The following NTM variants were observed in gnomAD, a reference collection of about 807,000 sequenced individuals.
NTM encodes the protein IgLON family member 2.
In NTM, 13 loss-of-function variants were observed where a neutral mutation model predicts 42.1. The ratio of observed to expected loss-of-function variants is 0.31; its 90% CI spans 0.20 to 0.49. NTM has a LOEUF of 0.49. Among genes scored for constraint, NTM ranks in the 20% least tolerant of loss-of-function variants. The pLI, the probability that NTM is intolerant of heterozygous loss-of-function variation, is 0.99. For missense variants in NTM, 373 were observed against 452.8 expected, an observed-to-expected ratio of 0.82 and a Z score of 1.60; for synonymous variants, 187 against 179.2, an observed-to-expected ratio of 1.04 and a Z score of -0.35.
chr11:131,717,867 T>C (rs2077888654), intron 1 of NTM, among the ~76,000 whole-genome samples: 2 of 152,216 alleles, frequency 1.3e-5, no homozygotes, highest in Admixed American at 1.3e-4. Flanking sequence ...ACATGCTCTT[T>C]ATCAGTTTGA....
At chr11:132,115,542 G>A (rs2063764077) in intron 2 of NTM, among the ~76,000 whole-genome samples, 1 of 152,164 alleles carries the variant, frequency 6.6e-6, no homozygotes. Context: ...TTCCTGTCAG[G>A]AACACACAAA....
intron 2 of NTM, among the ~76,000 whole-genome samples, chr11:132,077,324 T>C (rs972172427): frequency 1.3e-5 from 2 of 152,358 alleles, no homozygotes; most frequent in African/African-American, 4.8e-5. Flanking sequence ...TTTAAAATGA[T>C]GACTGAAATG....
intron 2 of NTM, among the ~76,000 whole-genome samples, chr11:131,924,385 C>T (rs967951908): frequency 6.6e-6 from 1 of 152,122 alleles, no homozygotes; most frequent in East Asian, 1.9e-4. Flanking sequence ...TGCTCTGTTT[C>T]GTTCTTGAGT....
intron 4 of NTM, among the ~76,000 whole-genome samples, chr11:132,251,259 C>A (rs1448803042): frequency 6.6e-6 from 1 of 152,206 alleles, no homozygotes; most frequent in Non-Finnish European, 1.5e-5. Context: ...CCTGTCCTTT[C>A]AGATTGTCAA....
At chr11:131,668,874 C>G (rs1565399555) in intron 1 of NTM, among the ~76,000 whole-genome samples, 1 of 152,146 alleles carries the variant, frequency 6.6e-6, no homozygotes, top group African/African-American at 2.4e-5. Context: ...GAAATCTATC[C>G]CAGTTATTAT....
intron 1 of NTM, among the ~76,000 whole-genome samples, chr11:131,598,666 TAC>T (rs1215912485): frequency 6.7e-6 from 1 of 149,384 alleles, no homozygotes; most frequent in Admixed American, 6.8e-5. Flanking sequence ...AGAGAACTAC[TAC>T]TCTCTTCTCA....
intron 1 of NTM, among the ~76,000 whole-genome samples, chr11:131,418,456 T>C (rs919167132): frequency 6.6e-6 from 1 of 152,212 alleles, no homozygotes; most frequent in Non-Finnish European, 1.5e-5. Context: ...CTCCTTTGTT[T>C]CCCATCTTCC....
chr11:131,751,240 C>T (rs2082463191), intron 1 of NTM, among the ~76,000 whole-genome samples: 1 of 152,030 alleles, frequency 6.6e-6, no homozygotes, highest in African/African-American at 2.4e-5. Context: ...TTGAGACCAT[C>T]CTGGCCAACA....
At chr11:131,570,061 C>T (rs904199030) in intron 1 of NTM, among the ~76,000 whole-genome samples, 4 of 152,204 alleles carry the variant, frequency 2.6e-5, no homozygotes, top group African/African-American at 9.6e-5. Flanking sequence ...TGCATTCTTC[C>T]CAGATATCAT....
intron 2 of NTM, among the ~76,000 whole-genome samples, chr11:132,035,874 C>T (rs2076449950): frequency 6.6e-6 from 1 of 152,120 alleles, no homozygotes. Flanking sequence ...TCTCTGCCAC[C>T]TCTCATCAGC....
At chr11:132,168,181 A>G (rs531259332) in intron 3 of NTM, among the ~76,000 whole-genome samples, 38 of 152,326 alleles carry the variant, frequency 2.5e-4, no homozygotes, top group African/African-American at 8.9e-4. Flanking sequence ...TGTCTATTGC[A>G]CTGCACTTCA....
intron 1 of NTM, among the ~76,000 whole-genome samples, chr11:131,450,591 C>G (rs949440622): frequency 1.3e-5 from 2 of 152,226 alleles, no homozygotes; most frequent in African/African-American, 4.8e-5. Flanking sequence ...TTGGTGCCTT[C>G]ACACTCTTAT....
intron 1 of NTM, among the ~76,000 whole-genome samples, chr11:131,886,026 T>C (rs1472546154): frequency 6.6e-6 from 1 of 152,126 alleles, no homozygotes; most frequent in East Asian, 1.9e-4. Context: ...TGCCTTTCCT[T>C]CAATCTCCTA....
intron 2 of NTM, among the ~76,000 whole-genome samples, chr11:131,995,597 AAGGCTG>A (rs928282130): frequency 8.5e-5 from 13 of 152,050 alleles, no homozygotes; most frequent in African/African-American, 3.1e-4. Flanking sequence ...AAGCGGGGCC[AAGGCTG>A]AGAGAGGAGA....
At chr11:131,679,069 T>A (rs2071947913) in intron 1 of NTM, among the ~76,000 whole-genome samples, 2 of 152,202 alleles carry the variant, frequency 1.3e-5, no homozygotes, top group African/African-American at 4.8e-5. Flanking sequence ...GTCCACTCTC[T>A]TCTCCATTCA....
chr11:131,392,562 C>T (rs1054944052), intron 1 of NTM, among the ~76,000 whole-genome samples: 2 of 152,208 alleles, frequency 1.3e-5, no homozygotes, highest in Admixed American at 1.3e-4. Flanking sequence ...TTCAATAAAG[C>T]CTCGCCTTGA....
Position 132,283,275 on chromosome 11 carries a change from G to A in NTM, c.527-24414G>A, listed in dbSNP as rs116508073. On this transcript the variant is annotated intron_variant, in intron 4 of 8. Transcript: ENST00000683400. ...GCTGGGATTATAGGCATGAGCCACC[G>A]CTCCGGGTCAACAGGGGCAATTTCT... Among the ~76,000 whole-genome samples the A allele has an allele frequency of 6.3e-3, 961 of 152,150 alleles. 16 individuals are homozygous for A. Among genetic ancestry groups the A allele is most frequent in the African/African-American group, 0.022 (921 of 41,524 alleles).
chr11:131,594,065 ATTGT>A (rs2059613784), intron 1 of NTM, among the ~76,000 whole-genome samples: 1 of 152,196 alleles, frequency 6.6e-6, no homozygotes, highest in Non-Finnish European at 1.5e-5. Flanking sequence ...AACATGGATG[ATTGT>A]TTGCCTCTAA....
intron 1 of NTM, among the ~76,000 whole-genome samples, chr11:131,551,069 C>T (rs1046643047): frequency 2.0e-5 from 3 of 152,212 alleles, no homozygotes; most frequent in African/African-American, 7.2e-5. Context: ...AATGATCTCA[C>T]TATGTTGCCC....
Sources: gnomAD v4.1 joint callset for allele counts (sites outside exome capture counted in the v4.1 genomes callset) on GRCh38, gnomAD v4.1.1 for gene constraint, MANE v1.5 for transcripts, NCBI Gene and HGNC (gene_info 2026-07-23, HGNC 2026-07-21) for gene names.